The following WDR41 variants were observed in gnomAD, a reference collection of about 807,000 sequenced individuals.
The protein encoded by WDR41 is WD repeat-containing protein 41.
Under a neutral mutation model 69.3 loss-of-function variants are expected in WDR41, and 63 were observed. The ratio of observed to expected loss-of-function variants is 0.91; its 90% CI spans 0.74 to 1.12. The LOEUF (loss-of-function observed/expected upper bound fraction) is 1.12. Among genes scored for constraint, WDR41 ranks in the 50% most tolerant of loss-of-function variants. WDR41 has a pLI of 0.00. For synonymous variants in WDR41, 185 were observed against 192.1 expected (o/e 0.96, Z 0.31); for missense variants, 543 against 534.5 (o/e 1.02, Z -0.16).
At chr5:77,500,860 A>G (rs902120430) in intron 1 of WDR41, among the ~76,000 whole-genome samples, 1 of 152,248 alleles carries the variant, frequency 6.6e-6, no homozygotes, top group African/African-American at 2.4e-5. Flanking sequence ...AAACTTTAAA[A>G]TTTGAATCTT....
intron 1 of WDR41, among the ~76,000 whole-genome samples, chr5:77,556,953 C>T (rs11958339): frequency 0.14 from 21,025 of 151,934 alleles, 1,745 homozygotes; most frequent in South Asian, 0.25. Flanking sequence ...TTCTAATCAG[C>T]TTTGCCAGAT....
At chr5:77,500,655 A>C (rs1802004294) in intron 1 of WDR41, among the ~76,000 whole-genome samples, 1 of 152,212 alleles carries the variant, frequency 6.6e-6, no homozygotes, top group Non-Finnish European at 1.5e-5. Context: ...AAGTAGTCCC[A>C]TAACCATTTA....
At position 77,598,297 on chromosome 5, in the gene WDR41, C is replaced by G. The variant is rs937138596; in HGVS notation, c.42+22182G>C. 2.0e-5 allele frequency among the ~76,000 whole-genome samples: 3 copies of G among 152,156 alleles called. No individual in the cohort carries two copies. In the South Asian group the frequency reaches 6.2e-4, roughly 32 times the overall value. ...TCAGACCTAGGTTTATTGGCCTGAG[C>G]CTAAACAATCAGTGCATCATTTCCC... On this transcript the variant is annotated intron_variant, in intron 1 of 5. Transcript: ENST00000509971.
chr5:77,595,682 C>T (rs944535947), intron 1 of WDR41, among the ~76,000 whole-genome samples: 2 of 152,192 alleles, frequency 1.3e-5, no homozygotes, highest in African/African-American at 4.8e-5. Context: ...GCAAAATTAT[C>T]TAATGAATAA....
intron 7 of WDR41, 56 bp downstream of exon 7, chr5:77,451,235 G>A (rs1428599647): frequency 6.6e-7 from 1 of 1,525,408 alleles, no homozygotes; most frequent in African/African-American, 1.4e-5. Flanking sequence ...AGTCCTTCCA[G>A]CATGTGTATA....
At chr5:77,461,056 T>TG (rs1427690076) in intron 4 of WDR41, among the ~76,000 whole-genome samples, 2 of 152,220 alleles carry the variant, frequency 1.3e-5, no homozygotes, top group African/African-American at 4.8e-5. Flanking sequence ...CTGTACCAGC[T>TG]ACTAACTTCT....
At chr5:77,474,964 G>A (rs915409292) in intron 2 of WDR41, among the ~76,000 whole-genome samples, 3 of 152,172 alleles carry the variant, frequency 2.0e-5, no homozygotes, top group Non-Finnish European at 2.9e-5. Context: ...TGCGTGCACC[G>A]TGCGCGAGCC....
intron 1 of WDR41, among the ~76,000 whole-genome samples, chr5:77,558,241 C>T (rs944250196): frequency 6.6e-6 from 1 of 151,906 alleles, no homozygotes; most frequent in African/African-American, 2.4e-5. Flanking sequence ...CTTGAATTCT[C>T]TTTCTGTTTA....
intron 1 of WDR41, among the ~76,000 whole-genome samples, chr5:77,594,961 G>A (rs1379479906): frequency 1.3e-5 from 2 of 152,158 alleles, no homozygotes; most frequent in Non-Finnish European, 2.9e-5. Context: ...GTTCTGCAGG[G>A]TCTGAAATAG....
chr5:77,538,990 A>G (rs1743040290), intron 1 of WDR41, among the ~76,000 whole-genome samples: 1 of 152,130 alleles, frequency 6.6e-6, no homozygotes, highest in Non-Finnish European at 1.5e-5. Context: ...GCAGGCTGAG[A>G]AGTCTAAGAT....
intron 1 of WDR41, among the ~76,000 whole-genome samples, chr5:77,598,936 A>C (rs1744275646): frequency 6.6e-6 from 1 of 152,136 alleles, no homozygotes; most frequent in African/African-American, 2.4e-5. Context: ...TATTTAGATC[A>C]GGCATTCCTG....
At chr5:77,512,387 T>A (rs1172001671) in intron 1 of WDR41, among the ~76,000 whole-genome samples, 1 of 147,942 alleles carries the variant, frequency 6.8e-6, no homozygotes, top group African/African-American at 2.5e-5. Flanking sequence ...TGTGTGTGTG[T>A]GTGTGTGTGT....
At chr5:77,605,479 G>C (rs1744397839) in intron 1 of WDR41, among the ~76,000 whole-genome samples, 1 of 152,210 alleles carries the variant, frequency 6.6e-6, no homozygotes, top group Non-Finnish European at 1.5e-5. Context: ...TTCCTATTTA[G>C]AGGAATCCAT....
rs1186722356 is a variant in WDR41 at position 77,483,363 on chromosome 5, T to C, written c.167+6094A>G. On this transcript the variant is annotated intron_variant, in intron 2 of 12. Coordinates refer to ENST00000296679, the MANE Select transcript of WDR41 (RefSeq NM_018268.4). The stretch of plus-strand genomic sequence containing the variant: ...CATGTTGCCCACGCTAGCCTCAAAC[T>C]CCTGAGCTCAAGGAATCCTCCCATC... Among the ~76,000 whole-genome samples, 3 of 152,160 alleles carry C rather than the reference T, an allele frequency of 2.0e-5. No individual in the cohort carries two copies. The East Asian group carries it at 5.8e-4, about 29-fold the overall frequency.
intron 1 of WDR41, among the ~76,000 whole-genome samples, chr5:77,515,961 C>T (rs1802285884): frequency 1.3e-5 from 2 of 152,146 alleles, no homozygotes; most frequent in African/African-American, 4.8e-5. Context: ...ATTATAATGC[C>T]TCAATGAGTA....
At position 77,551,744 on chromosome 5, in the gene WDR41, G is replaced by A. The variant is rs146756076; in HGVS notation, c.43-62172C>T. On this transcript the variant is annotated intron_variant, in intron 1 of 5. Coordinates refer to the WDR41 transcript ENST00000509971. Reference sequence around the variant, plus strand: ...TGTAGTACCAGCACTTTGGGAGGCCGAGGTGGGTGGATCACCTGAGGTCAG... The same window carrying A: ...TGTAGTACCAGCACTTTGGGAGGCCAAGGTGGGTGGATCACCTGAGGTCAG... Among the ~76,000 whole-genome samples the A allele has an allele frequency of 6.7e-3, 1,012 of 151,658 alleles. 13 individuals are homozygous for A. The highest frequency in any genetic ancestry group is 0.023 in the African/African-American group (959 of 41,292).
intron 2 of WDR41, among the ~76,000 whole-genome samples, chr5:77,482,463 C>T (rs2114953): frequency 0.11 from 16,895 of 151,820 alleles, 1,203 homozygotes; most frequent in East Asian, 0.26. Flanking sequence ...TTTTTCCTTG[C>T]AATTTATTTG....
intron 2 of WDR41, among the ~76,000 whole-genome samples, chr5:77,466,665 C>A (rs1800321440): frequency 6.6e-6 from 1 of 151,832 alleles, no homozygotes; most frequent in South Asian, 2.1e-4. Context: ...TTAATTCAAT[C>A]AGTAGGGAAC....
At chr5:77,479,961 T>A (rs1392736441) in intron 2 of WDR41, 3 of 151,738 alleles carry the variant, frequency 2.0e-5, no homozygotes, top group Admixed American at 2.0e-4. Flanking sequence ...TACAATGAAC[T>A]CCAACAAATT....
Sources: gnomAD v4.1 joint callset for allele counts (sites outside exome capture counted in the v4.1 genomes callset) on GRCh38, gnomAD v4.1.1 for gene constraint, MANE v1.5 for transcripts, NCBI Gene and HGNC (gene_info 2026-07-23, HGNC 2026-07-21) for gene names.